Variants in RYR3 observed in about 807,000 individuals in gnomAD.
RYR3 encodes the protein brain ryanodine receptor-calcium release channel.
A neutral mutation model predicts 584.3 loss-of-function variants in RYR3; 207 were observed. The ratio of observed to expected loss-of-function variants is 0.35; its 90% CI spans 0.32 to 0.40. The LOEUF (loss-of-function observed/expected upper bound fraction) is 0.40, where lower values mean the gene tolerates loss of function less well. Among genes scored for constraint, RYR3 ranks in the 10% least tolerant of loss-of-function variants. The pLI is 1.00. For synonymous variants in RYR3, 2,416 were observed against 2,248.5 expected (o/e 1.07, Z -2.11); for missense variants, 5,616 against 6,089.2 (o/e 0.92, Z 2.59).
intron 48 of RYR3, among the ~76,000 whole-genome samples, chr15:33,732,357 C>T (rs1246414576): frequency 6.7e-6 from 1 of 148,448 alleles, no homozygotes; most frequent in African/African-American, 2.5e-5. Context: ...CACTGCACTC[C>T]AGCCTGGGCG....
At chr15:33,761,670 G>T (rs1033135689) in intron 60 of RYR3, among the ~76,000 whole-genome samples, 19 of 152,166 alleles carry the variant, frequency 1.2e-4, no homozygotes, top group African/African-American at 4.1e-4. Context: ...AATTCTGCCA[G>T]AGGTACAAAG....
At chr15:33,347,374 T>A (rs1972585891) in intron 1 of RYR3, among the ~76,000 whole-genome samples, 1 of 152,228 alleles carries the variant, frequency 6.6e-6, no homozygotes, top group African/African-American at 2.4e-5. Context: ...CATGGATATT[T>A]ATTCTGTATC....
chr15:33,821,429 C>T lies in RYR3; in HGVS notation c.10915+60C>T, dbSNP rs913485275. On this transcript the variant is annotated intron_variant, in intron 79 of 103. Coordinates refer to ENST00000634891, the MANE Select transcript of RYR3 (RefSeq NM_001036.6). Reference sequence around the variant, plus strand: ...CTTCCACAAAGATATCATGCTGTGACATACAGCCATTATTAAAGAGCCCTG... The same window carrying T: ...CTTCCACAAAGATATCATGCTGTGATATACAGCCATTATTAAAGAGCCCTG... 335 of 1,575,042 alleles carry T rather than the reference C, an allele frequency of 2.1e-4. 1 individual carries two copies. Among genetic ancestry groups the T allele is most frequent in the Non-Finnish European group, 2.8e-4 (319 of 1,149,820 alleles).
At chr15:33,613,035 G>A (rs932408014) in intron 18 of RYR3, 148 bp from the exon 19 acceptor site, 3 of 612,270 alleles carry the variant, frequency 4.9e-6, no homozygotes, top group Middle Eastern at 4.3e-4. Flanking sequence ...GAAACAAAAG[G>A]AAAGTTGCAT....
At position 33,810,522 on chromosome 15, in the gene RYR3, G is replaced by C. The variant is rs550306541; in HGVS notation, c.10070G>C (p.Gly3357Ala). The change falls in exon 71 of 104, where the codon GGA (glycine) becomes GCA (alanine). Residue 3357 changes from glycine (G) to alanine (A), a missense_variant. This residue lies in a region of RYR3 where 954 missense variants were observed against 1,132.2 expected (regional missense o/e 0.84). Transcript: ENST00000634891. ...GAGCGGAAGAAGACAAAGCGGCGGG[G>C]AGACTTGTATTCCATCCAGACCTCC... ...DQERKKTKRR[G>A]DLYSIQTSLI... 1.9e-6 allele frequency: 3 copies of C among 1,614,032 alleles called. No homozygotes were observed. In the African/African-American group the frequency reaches 4.0e-5, roughly 22 times the overall value.
chr15:33,461,856 A>G (rs1338540125), intron 1 of RYR3, among the ~76,000 whole-genome samples: 4 of 152,338 alleles, frequency 2.6e-5, no homozygotes, highest in South Asian at 4.1e-4. Flanking sequence ...AGCTTAATGT[A>G]TAAGCTGGGC....
intron 80 of RYR3, among the ~76,000 whole-genome samples, chr15:33,821,854 G>T (rs1224954622): frequency 6.6e-6 from 1 of 152,224 alleles, no homozygotes; most frequent in East Asian, 1.9e-4. Context: ...TTTTTCATCA[G>T]TAGATAACTT....
chr15:33,669,888 T>TGTGG (rs1555401772), intron 37 of RYR3, among the ~76,000 whole-genome samples: 8 of 129,980 alleles, frequency 6.2e-5, no homozygotes, highest in Non-Finnish European at 1.3e-4. Context: ...GTGGTGTGTG[T>TGTGG]GTGTGTGTGT....
In RYR3 at chr15:33,572,518, C is replaced by G. The variant is rs192698512; in HGVS notation, c.1268+5719C>G. ...TCCCGAGCATGTGTGTGGCCTTGCC[C>G]ACTGCCTACTCTGCCCTGTTGGAGC... is the stretch of plus-strand genomic sequence containing the variant. On this transcript the variant is annotated intron_variant, in intron 12 of 103. Transcript: ENST00000634891. Among the ~76,000 whole-genome samples, 3 of 151,816 alleles carry G rather than the reference C, an allele frequency of 2.0e-5. No homozygotes were observed. In the East Asian group the frequency reaches 5.8e-4, roughly 30 times the overall value.
chr15:33,810,732 C>T (rs1489758718), intron 71 of RYR3, 83 bp downstream of exon 71: 1 of 1,552,864 alleles, frequency 6.4e-7, no homozygotes, highest in African/African-American at 1.4e-5. Flanking sequence ...GTTAGTCCTC[C>T]TCCCCTGGGG....
chr15:33,316,294 C>G (rs1968162935), intron 1 of RYR3, among the ~76,000 whole-genome samples: 1 of 152,118 alleles, frequency 6.6e-6, no homozygotes. Context: ...TCGACTTTTT[C>G]TTTACCTTAC....
At chr15:33,511,345 A>AAC (rs2052983867) in intron 3 of RYR3, among the ~76,000 whole-genome samples, 1 of 151,514 alleles carries the variant, frequency 6.6e-6, no homozygotes. Context: ...AAAAAAAAAA[A>AAC]AAAAAACTCT....
In RYR3 at chr15:33,623,801, T is replaced by C. The variant is rs767943309; in HGVS notation, c.2358-6T>C. ...CCTCTGTATTTCTGCTATCTTCAAA[T>C]GACAGAGTACGTTTCCTGATGGGTG... On this transcript the variant is annotated splice_region_variant and splice_polypyrimidine_tract_variant and intron_variant, in intron 19 of 103. Transcript: ENST00000634891. The C allele has an allele frequency of 5.0e-6, 8 of 1,596,740 alleles. No homozygotes were observed. In the South Asian group the frequency reaches 5.5e-5, roughly 11 times the overall value.
Position 33,635,636 on chromosome 15 carries a change from C to T in RYR3, c.3198C>T (p.Val1066=). 1.2e-6 allele frequency: 2 copies of T among 1,613,856 alleles called. No homozygotes were observed. Among genetic ancestry groups the T allele is most frequent in the African/African-American group, 2.7e-5 (2 of 75,048 alleles). ...TAGCTGACTCGGCTGTGGAGAAGGT[C>T]AGCATAGACAAGATCCGATTTTTCC... ...QELADSAVEK[V]SIDKIRFFRV... Residue 1066 remains valine (V), a synonymous_variant, in exon 26 of 104, where the codon GTC becomes GTT. Coordinates refer to ENST00000634891, the MANE Select transcript of RYR3 (RefSeq NM_001036.6).
intron 86 of RYR3, among the ~76,000 whole-genome samples, chr15:33,832,540 C>T (rs1054919306): frequency 2.6e-5 from 4 of 151,286 alleles, no homozygotes; most frequent in African/African-American, 9.7e-5. Context: ...CCTGTAATCC[C>T]AGCTACTCAG....
intron 1 of RYR3, among the ~76,000 whole-genome samples, chr15:33,464,503 T>TACACAC (rs1555487154): frequency 5.4e-4 from 57 of 105,928 alleles, no homozygotes; most frequent in African/African-American, 1.6e-3. Context: ...CATATATATA[T>TACACAC]ACATACACAT....
At position 33,651,638 on chromosome 15, in the gene RYR3, A is replaced by G. The variant is rs74005929; in HGVS notation, c.4143-1080A>G. Among the ~76,000 whole-genome samples the G allele has an allele frequency of 3.3e-3, 497 of 152,324 alleles. 7 individuals carry two copies. The highest frequency in any genetic ancestry group is 0.012 in the African/African-American group (479 of 41,576). On this transcript the variant is annotated intron_variant, in intron 31 of 103. Coordinates refer to ENST00000634891, the MANE Select transcript of RYR3 (RefSeq NM_001036.6). ...TCTCAGAGTTTACAGGATCTATTCC[A>G]GCATCTACCCACCCCACAGTGCCAA...
intron 1 of RYR3, among the ~76,000 whole-genome samples, chr15:33,365,494 A>G (rs1372790527): frequency 6.6e-6 from 1 of 152,200 alleles, no homozygotes; most frequent in African/African-American, 2.4e-5. Flanking sequence ...AATTCCAGAC[A>G]AGATACTAGG....
Position 33,841,963 on chromosome 15 carries a change from G to C in RYR3, c.13137G>C (p.Gln4379His). 1 of 1,602,862 alleles carries C rather than the reference G, an allele frequency of 6.2e-7. No homozygotes were observed. The highest frequency in any genetic ancestry group is 8.5e-7 in the Non-Finnish European group (1 of 1,174,550). Residue 4379 changes from glutamine (Q) to histidine (H), a missense_variant, in exon 91 of 104, where the codon CAG (glutamine) becomes CAC (histidine). Gln to His is a conservative substitution (Grantham distance 24). Around this residue, in one of 9 missense-constraint regions of RYR3, gnomAD observed 918 missense variants for 887.4 expected, o/e 1.03. Coordinates refer to ENST00000634891, the MANE Select transcript of RYR3 (RefSeq NM_001036.6). ...AAAAGAAGAAGCGGCGGTGTGGTCA[G>C]AAGGTTGAGAAGCCGGAAGCTTTCA... ...VTKKKKRRCG[Q>H]KVEKPEAFTA...
Sources: allele counts gnomAD v4.1 joint callset (sites outside exome capture counted in the v4.1 genomes callset), GRCh38; gene constraint gnomAD v4.1.1; regional missense constraint gnomAD v4.1.1; transcripts MANE v1.5; gene names NCBI Gene and HGNC (gene_info 2026-07-23, HGNC 2026-07-21).